Variants in SMPDL3A observed in about 807,000 individuals in gnomAD.
SMPDL3A encodes sphingomyelin phosphodiesterase acid like 3A, also known as cyclic GMP-AMP phosphodiesterase SMPDL3A.
In SMPDL3A, 39 loss-of-function variants were observed where a neutral mutation model predicts 38.5. The ratio of observed to expected loss-of-function variants is 1.01; its 90% CI spans 0.78 to 1.32. The LOEUF (loss-of-function observed/expected upper bound fraction) is 1.32, where lower values mean the gene tolerates loss of function less well. Ranked by LOEUF, SMPDL3A falls within the 40% of genes most tolerant of loss-of-function variation. The pLI, the probability that SMPDL3A is intolerant of heterozygous loss-of-function variation, is 0.00. For synonymous variants in SMPDL3A, 180 were observed against 194.3 expected (o/e 0.93, Z 0.61); for missense variants, 502 against 536.2 (o/e 0.94, Z 0.63).
chr6:122,796,757 T>G, intron 2 of SMPDL3A, 67 bp from the exon 3 acceptor site: 1 of 1,374,274 alleles, frequency 7.3e-7, no homozygotes, highest in South Asian at 1.3e-5. Flanking sequence ...TAGCAACGCA[T>G]CATGCATAAG....
At chr6:122,798,467 C>T (rs1227295321) in intron 3 of SMPDL3A, among the ~76,000 whole-genome samples, 1 of 152,190 alleles carries the variant, frequency 6.6e-6, no homozygotes, top group African/African-American at 2.4e-5. Context: ...CTCTCCGCCA[C>T]CACACCTCCC....
In SMPDL3A at chr6:122,789,492, G is replaced by A. The variant is rs1041576264; in HGVS notation, c.112+34G>A. The A allele has an allele frequency of 6.1e-5, 92 of 1,512,086 alleles. 1 individual carries two copies. The highest frequency in any genetic ancestry group is 2.4e-5 in the Non-Finnish European group (27 of 1,113,022). 93.7% of individuals were successfully genotyped at this position (1,512,086 alleles called of 1,614,324 possible). On this transcript the variant is annotated intron_variant, in intron 1 of 7. Coordinates refer to ENST00000368440, the MANE Select transcript of SMPDL3A (RefSeq NM_006714.5). ...TCCGCGACCCTTCTCTTCCCAGCCG[G>A]CAAAGAGCGCGGAGCGGCGGCGCCT...
chr6:122,808,646 CCCT>C, intron 7 of SMPDL3A, among the ~76,000 whole-genome samples: 1 of 55,414 alleles, frequency 1.8e-5, no homozygotes, highest in East Asian at 1.4e-3. Flanking sequence ...TTCCTTCCCC[CCCT>C]CCTCCCCCCT....
chr6:122,809,164 T>C lies in SMPDL3A; in HGVS notation c.1118T>C (p.Ile373Thr). The change falls in exon 8 of 8, where the codon ATC becomes ACC. Residue 373 changes from isoleucine to threonine, a missense_variant. Transcript: ENST00000368440. The part of the protein sequence containing the change: ...KGESIWKLEY[I>T]LTQTYDIEDL... ...GAGTCCATCTGGAAGCTGGAGTATA[T>C]CCTGACCCAGACCTACGACATTGAA... 6.2e-7 allele frequency: 1 copy of C among 1,614,170 alleles called. No homozygotes were observed. Among genetic ancestry groups the C allele is most frequent in the Non-Finnish European group, 8.5e-7 (1 of 1,180,010 alleles).
chr6:122,799,918 T>TA (rs556808712), intron 3 of SMPDL3A, among the ~76,000 whole-genome samples: 193 of 151,828 alleles, frequency 1.3e-3, no homozygotes, highest in African/African-American at 4.2e-3. Flanking sequence ...TAAAAACAAT[T>TA]ATCCAATTCA....
rs763251775 is a variant in SMPDL3A, at chr6:122,809,628, T to G, written c.*220T>G. ...CATTAATAGAATGATGGATGTAAAT[T>G]GGATGTAAATATTCAGTTTATATAA... On this transcript the variant is annotated 3_prime_UTR_variant, in exon 8 of 8. Transcript: ENST00000368440. 1.8e-4 allele frequency: 72 copies of G among 389,774 alleles called. No homozygotes were observed. Among genetic ancestry groups the G allele is most frequent in the Non-Finnish European group, 3.1e-4 (68 of 219,532 alleles). 24.1% of individuals were successfully genotyped at this position (389,774 alleles called of 1,614,324 possible). A position where few individuals can be genotyped will look rare whatever the true frequency, so the allele number is the denominator to read the frequency against.
Position 122,789,292 on chromosome 6 carries a change from G to A in SMPDL3A, c.-55G>A. On this transcript the variant is annotated 5_prime_UTR_variant, in exon 1 of 8. Coordinates refer to ENST00000368440, the MANE Select transcript of SMPDL3A (RefSeq NM_006714.5). ...CTCCGCCTCACCCTCAGGCCTGACG[G>A]TCCGAGTGGAGCTGCGGGACAGCCC... is the stretch of plus-strand genomic sequence containing the variant. 7.7e-7 allele frequency: 1 copy of A among 1,302,558 alleles called. No homozygotes were observed. The highest frequency in any genetic ancestry group is 1.1e-6 in the Non-Finnish European group (1 of 943,430). The allele number at this position is 1,302,558 out of a possible 1,614,324, so 80.7% of individuals were successfully genotyped here.
chr6:122,804,886 C>T (rs762920164), intron 5 of SMPDL3A, 23 bp from the exon 6 acceptor site: 25 of 1,580,880 alleles, frequency 1.6e-5, no homozygotes, highest in Non-Finnish European at 8.6e-7. Flanking sequence ...TCTCATGAGG[C>T]CTTTTTGTGT....
rs1272995841 is a variant in SMPDL3A at position 122,803,811 on chromosome 6, A to G, written c.716A>G (p.Asn239Ser). Reference protein sequence around the residue: ...QFEWLESTLNNSQQNKEKVYI... With the variant: ...QFEWLESTLNSSQQNKEKVYI... ...GAATGGCTAGAAAGTACATTGAACAACTCTCAGCAGAATAAGGAGAAGGTA... is the reference window on the plus strand; with the variant it reads ...GAATGGCTAGAAAGTACATTGAACAGCTCTCAGCAGAATAAGGAGAAGGTA... The change falls in exon 5 of 8, where the codon AAC (asparagine) becomes AGC (serine). Residue 239 changes from asparagine to serine, a missense_variant. Transcript: ENST00000368440. 6.2e-7 allele frequency: 1 copy of G among 1,613,844 alleles called. No individual in the cohort carries two copies. The highest frequency in any genetic ancestry group is 8.5e-7 in the Non-Finnish European group (1 of 1,180,006).
At chr6:122,791,676 A>T (rs12528547) in intron 1 of SMPDL3A, among the ~76,000 whole-genome samples, 3,710 of 152,138 alleles carry the variant, frequency 0.024, 298 homozygotes, top group Admixed American at 0.17. Context: ...AAGTCTTTTT[A>T]AAAATTTATT....
At position 122,795,804 on chromosome 6, in the gene SMPDL3A, G is replaced by T. The variant is rs759528751; in HGVS notation, c.240G>T (p.Leu80=). 2.5e-6 allele frequency: 4 copies of T among 1,614,052 alleles called. No homozygotes were observed. The South Asian group carries it at 4.4e-5, about 18-fold the overall frequency. Residue 80 remains leucine (L), a synonymous_variant, in exon 2 of 8, where the codon CTG becomes CTT. Transcript: ENST00000368440. Reference sequence around the variant, plus strand: ...ACCCTGGCCCTTTTGGAGATGTTCTGTGTGATTCTCCATATCAACTTATTT... The same window carrying T: ...ACCCTGGCCCTTTTGGAGATGTTCTTTGTGATTCTCCATATCAACTTATTT... ...ASNPGPFGDV[L]CDSPYQLILS... is the part of the protein sequence containing the mutation.
At chr6:122,806,054 AC>A (rs1781604680) in intron 6 of SMPDL3A, among the ~76,000 whole-genome samples, 178 bp from the exon 7 acceptor site, 1 of 152,216 alleles carries the variant, frequency 6.6e-6, no homozygotes. Flanking sequence ...GGTATCAATA[AC>A]AAAAATGTCC....
chr6:122,790,410 C>T (rs1346149897), intron 1 of SMPDL3A, among the ~76,000 whole-genome samples: 1 of 152,190 alleles, frequency 6.6e-6, no homozygotes, highest in Non-Finnish European at 1.5e-5. Flanking sequence ...CCTCAACTCC[C>T]TTTAAAAATA....
rs778705038 is a variant in SMPDL3A at position 122,795,862 on chromosome 6, C to T, written c.298C>T (p.Gln100Ter). The T allele has an allele frequency of 4.3e-6, 7 of 1,613,042 alleles. No individual in the cohort carries two copies. The highest frequency in any genetic ancestry group is 5.9e-6 in the Non-Finnish European group (7 of 1,179,086). ...SAFDFIKNSGQEASFMIWTGD... is the reference protein window; with the variant it reads ...SAFDFIKNSG ...ATTTGATTTTATTAAAAATTCTGGA[C>T]AAGAAGCATCTTTCATGATATGGAC... Residue 100 changes from glutamine (Q) to a stop codon, truncating the protein, a stop_gained, in exon 2 of 8, where the codon CAA becomes TAA. Transcript: ENST00000368440. LOFTEE classifies it high-confidence loss of function.
At chr6:122,800,668 T>C (rs1781398156) in intron 3 of SMPDL3A, among the ~76,000 whole-genome samples, 1 of 152,214 alleles carries the variant, frequency 6.6e-6, no homozygotes, top group Non-Finnish European at 1.5e-5. Context: ...GTTAAGTTGA[T>C]AAAGTCCTTA....
Position 122,809,237 on chromosome 6 carries a change from C to A in SMPDL3A, c.1191C>A (p.Ile397=), listed in dbSNP as rs759036909. 1.2e-6 allele frequency: 2 copies of A among 1,614,024 alleles called. No individual in the cohort carries two copies. The highest frequency in any genetic ancestry group is 2.7e-5 in the African/African-American group (2 of 74,916). Residue 397 remains isoleucine, a synonymous_variant, in exon 8 of 8, where the codon ATC becomes ATA. Transcript: ENST00000368440. ...ATGGATTAGCTAAACAATTTACAAT[C>A]CTAGACAGTAAGCAGTTTATAAAAT... is the stretch of plus-strand genomic sequence containing the variant. ...SLYGLAKQFT[I]LDSKQFIKYY...
intron 1 of SMPDL3A, among the ~76,000 whole-genome samples, chr6:122,793,341 A>G (rs751233162): frequency 1.3e-5 from 2 of 152,232 alleles, no homozygotes; most frequent in Non-Finnish European, 2.9e-5. Flanking sequence ...CCAAGATCAC[A>G]TAGCAAGATT....
intron 3 of SMPDL3A, among the ~76,000 whole-genome samples, chr6:122,800,528 C>T (rs2115169032): frequency 6.6e-6 from 1 of 152,344 alleles, no homozygotes. Context: ...CTTCCCATAT[C>T]CTAGCCATGC....
chr6:122,789,606 G>T (rs938521809), intron 1 of SMPDL3A, 148 bp downstream of exon 1: 34 of 823,782 alleles, frequency 4.1e-5, no homozygotes, highest in Non-Finnish European at 6.0e-5. Context: ...CGTTGACCAC[G>T]GCTGGTGGGC....
Sources: gnomAD v4.1 joint callset for allele counts (sites outside exome capture counted in the v4.1 genomes callset) on GRCh38, gnomAD v4.1.1 for gene constraint, MANE v1.5 for transcripts, NCBI Gene and HGNC (gene_info 2026-07-23, HGNC 2026-07-21) for gene names.